The following GC variants were observed in gnomAD, a reference collection of about 807,000 sequenced individuals.
GC encodes vitamin D-binding protein.
Under a neutral mutation model 56.7 loss-of-function variants are expected in GC, and 43 were observed. That is an observed-to-expected ratio of 0.76 (90% CI 0.59 to 0.98). GC has a LOEUF of 0.98. Among genes scored for constraint, GC ranks in the 50% least tolerant of loss-of-function variants. GC has a pLI of 0.00. For synonymous variants in GC, 216 were observed against 202.7 expected (o/e 1.07, Z -0.56); for missense variants, 529 against 545.9 (o/e 0.97, Z 0.31).
chr4:71,767,685 G>A (rs991499331), intron 3 of GC, among the ~76,000 whole-genome samples: 1 of 149,808 alleles, frequency 6.7e-6, no homozygotes, highest in African/African-American at 2.4e-5. Flanking sequence ...TAGTTTTGGG[G>A]GAACAAAACT....
intron 11 of GC, among the ~76,000 whole-genome samples, chr4:71,748,368 AGTC>A (rs1741443130): frequency 6.6e-6 from 1 of 152,036 alleles, no homozygotes; most frequent in Admixed American, 6.6e-5. Flanking sequence ...TCTACTTGTC[AGTC>A]TCCTCTTTGC....
At chr4:71,776,314 T>G (rs1390992038) in intron 1 of GC, among the ~76,000 whole-genome samples, 2 of 151,902 alleles carry the variant, frequency 1.3e-5, no homozygotes, top group Non-Finnish European at 2.9e-5. Flanking sequence ...TTGAATACTA[T>G]TCAGCCTTAA....
At chr4:71,744,594 A>G (rs1376894348) in intron 12 of GC, among the ~76,000 whole-genome samples, 2 of 152,186 alleles carry the variant, frequency 1.3e-5, no homozygotes, top group Non-Finnish European at 2.9e-5. Context: ...CCCAAAGCCT[A>G]AAAACATACA....
rs2149300723 is a variant in GC, at chr4:71,765,495, A to G, written c.410T>C (p.Val137Ala). Residue 137 changes from valine (V) to alanine (A), a missense_variant, in exon 4 of 13, where the codon GTG becomes GCG. Physicochemically the swap from Val to Ala is moderately conservative, Grantham distance 64. Transcript: ENST00000273951. ...KHQPQEFPTY[V>A]EPTNDEICEA... ...ACAGATTTCATCATTTGTGGGTTCC[A>G]CGTAGGTAGGGAATTCCTGTGGCTG... 1 of 1,613,998 alleles carries G rather than the reference A, an allele frequency of 6.2e-7. No homozygotes were observed. The highest frequency in any genetic ancestry group is 8.5e-7 in the Non-Finnish European group (1 of 1,179,956).
chr4:71,775,364 T>C (rs978336065), intron 1 of GC, among the ~76,000 whole-genome samples: 7 of 151,868 alleles, frequency 4.6e-5, no homozygotes, highest in Admixed American at 3.3e-4. Context: ...AAAGTATCAT[T>C]CAACAAGGGC....
chr4:71,751,551 T>C (rs1241358698), intron 11 of GC, among the ~76,000 whole-genome samples: 1 of 151,982 alleles, frequency 6.6e-6, no homozygotes, highest in South Asian at 2.1e-4. Flanking sequence ...CTGGCAATTA[T>C]GCAAATACAT....
chr4:71,765,272 T>G lies in GC; in HGVS notation c.473+160A>C, dbSNP rs76957790. Among the ~76,000 whole-genome samples, 700 of 152,256 alleles carry G rather than the reference T, an allele frequency of 4.6e-3. 3 individuals are homozygous for G. The highest frequency in any genetic ancestry group is 0.016 in the African/African-American group (657 of 41,536). ...TCTCTGAGAAAGGCATTCACAAAAC[T>G]CAGCACCAAAGGGAAGATGGGCTGT... On this transcript the variant is annotated intron_variant, in intron 4 of 12. Transcript: ENST00000273951.
upstream of GC, among the ~76,000 whole-genome samples, chr4:71,805,414 C>T (rs575545701): frequency 3.3e-5 from 5 of 152,254 alleles, no homozygotes; most frequent in African/African-American, 9.6e-5. Flanking sequence ...TGGGTTCATG[C>T]TGCAGACCCT....
Position 71,763,399 on chromosome 4 carries a change from A to T in GC, c.701+9T>A. The T allele has an allele frequency of 6.8e-7, 1 of 1,465,580 alleles. No homozygotes were observed. Among genetic ancestry groups the T allele is most frequent in the African/African-American group, 1.4e-5 (1 of 72,048 alleles). 90.8% of individuals were successfully genotyped at this position (1,465,580 alleles called of 1,614,324 possible). ...ACATCTAAATATGACAATAGCACTT[A>T]ATCTTTACCTGAGCCTTGATTTCTT... On this transcript the variant is annotated intron_variant, in intron 6 of 12. Coordinates refer to ENST00000273951, the MANE Select transcript of GC (RefSeq NM_000583.4).
At chr4:71,791,670 CT>C (rs111517939) in intron 1 of GC, among the ~76,000 whole-genome samples, 335 of 145,244 alleles carry the variant, frequency 2.3e-3, no homozygotes, top group African/African-American at 6.1e-3. Context: ...CTAAGTATTT[CT>C]TTTTTTTTTT....
upstream of GC, among the ~76,000 whole-genome samples, chr4:71,785,133 C>A (rs974359126): frequency 6.6e-6 from 1 of 151,694 alleles, no homozygotes; most frequent in African/African-American, 2.4e-5. Flanking sequence ...TCCTCATATG[C>A]AATGTGGTGA....
In GC at chr4:71,765,491, T is replaced by C. The variant is rs1742126345; in HGVS notation, c.414A>G (p.Glu138=). The change falls in exon 4 of 13, where the codon GAA becomes GAG. Residue 138 remains glutamate (E), a synonymous_variant. Transcript: ENST00000273951. ...HQPQEFPTYV[E]PTNDEICEAF... is the part of the protein sequence containing the mutation. ...CCTCACAGATTTCATCATTTGTGGG[T>C]TCCACGTAGGTAGGGAATTCCTGTG... 1 of 1,613,900 alleles carries C rather than the reference T, an allele frequency of 6.2e-7. No individual in the cohort carries two copies. Among genetic ancestry groups the C allele is most frequent in the Non-Finnish European group, 8.5e-7 (1 of 1,179,962 alleles).
At chr4:71,774,983 A>C (rs1271713500) in intron 1 of GC, among the ~76,000 whole-genome samples, 1 of 149,182 alleles carries the variant, frequency 6.7e-6, no homozygotes, top group Admixed American at 6.7e-5. Context: ...ATCTTTGACT[A>C]TCAGTCCTGG....
chr4:71,775,701 A>G (rs188497369), intron 1 of GC, among the ~76,000 whole-genome samples: 267 of 152,158 alleles, frequency 1.8e-3, no homozygotes, highest in African/African-American at 5.4e-3. Flanking sequence ...AGAAAAATTA[A>G]CAAAGTGAAG....
chr4:71,775,783 T>A, intron 1 of GC, among the ~76,000 whole-genome samples: 1 of 151,982 alleles, frequency 6.6e-6, no homozygotes, highest in East Asian at 1.9e-4. Context: ...ACAAAATATG[T>A]AAGGAACTCA....
At chr4:71,788,107 A>C (rs1254674436), upstream of GC, among the ~76,000 whole-genome samples, 3 of 152,062 alleles carry the variant, frequency 2.0e-5, no homozygotes, top group South Asian at 2.1e-4. Flanking sequence ...CACTAGTCAT[A>C]ATCAGTTTAA....
At chr4:71,766,689 C>T (rs72607828) in intron 3 of GC, among the ~76,000 whole-genome samples, 12,047 of 152,064 alleles carry the variant, frequency 0.079, 647 homozygotes, top group East Asian at 0.24. Flanking sequence ...CACCATCTTC[C>T]GTACCATCCT....
At chr4:71,771,580 C>T (rs1742343672) in intron 1 of GC, among the ~76,000 whole-genome samples, 1 of 152,134 alleles carries the variant, frequency 6.6e-6, no homozygotes, top group Admixed American at 6.6e-5. Context: ...AAATAACCCA[C>T]ATACCTGAAT....
intron 11 of GC, among the ~76,000 whole-genome samples, chr4:71,750,397 T>C (rs1400695546): frequency 1.3e-5 from 2 of 152,214 alleles, no homozygotes; most frequent in African/African-American, 4.8e-5. Context: ...CTAGAAGGAA[T>C]TAACTGAGTG....
Sources: gnomAD v4.1 joint callset for allele counts (sites outside exome capture counted in the v4.1 genomes callset) on GRCh38, gnomAD v4.1.1 for gene constraint, MANE v1.5 for transcripts, NCBI Gene and HGNC (gene_info 2026-07-23, HGNC 2026-07-21) for gene names.